The following RFPL2 variants were observed in gnomAD, a reference collection of about 807,000 sequenced individuals.
RFPL2 encodes the protein ret finger protein-like 2.
Under a neutral mutation model 17.8 loss-of-function variants are expected in RFPL2, and 13 were observed. That is an observed-to-expected ratio of 0.73 (90% CI 0.47 to 1.16). The LOEUF (loss-of-function observed/expected upper bound fraction) is 1.16. RFPL2 is among the 50% of genes most tolerant of loss of function. The probability of loss-of-function intolerance (pLI) is 0.00; values close to 1 mark genes in which losing one functional copy is unlikely to be tolerated. For missense variants in RFPL2, 431 were observed against 479.3 expected, an observed-to-expected ratio of 0.90 and a Z score of 0.94; for synonymous variants, 189 against 180.9, an observed-to-expected ratio of 1.04 and a Z score of -0.36.
At chr22:32,202,870 C>T in intron 1 of RFPL2, 1 of 1,031,978 alleles carries the variant, frequency 9.7e-7, no homozygotes, top group Non-Finnish European at 1.2e-6. Context: ...ACCCACAGGG[C>T]CCTGTAGCCT....
chr22:32,202,668 T>A, intron 1 of RFPL2, 118 bp from the exon 2 acceptor site: 1 of 1,366,642 alleles, frequency 7.3e-7, no homozygotes, highest in African/African-American at 1.5e-5. Flanking sequence ...CAGCCTCTCC[T>A]TTTAGCGCAA....
intron 2 of RFPL2, among the ~76,000 whole-genome samples, chr22:32,195,564 T>G (rs547912081): frequency 1.4e-3 from 208 of 152,190 alleles, no homozygotes; most frequent in Non-Finnish European, 2.6e-3. Flanking sequence ...CAAGCAATTC[T>G]CCTGCCTCAG....
chr22:32,200,524 C>A (rs1923808731), intron 2 of RFPL2, among the ~76,000 whole-genome samples: 1 of 152,022 alleles, frequency 6.6e-6, no homozygotes, highest in Non-Finnish European at 1.5e-5. Flanking sequence ...CCTGGGGAAA[C>A]AGGCCAGGCC....
rs1006761558 is a variant in RFPL2, at chr22:32,190,597, A to G, written c.*175T>C. 2.7e-5 allele frequency: 15 copies of G among 551,144 alleles called. No individual in the cohort carries two copies. In the African/African-American group the frequency reaches 2.9e-4, roughly 11 times the overall value. The allele number at this position is 551,144 out of a possible 1,614,324, so 34.1% of individuals were successfully genotyped here. On this transcript the variant is annotated 3_prime_UTR_variant, in exon 5 of 5. Transcript: ENST00000652607. ...AGGACTCAATGAGTTTGATGGTGGC[A>G]ATAATTAATACTTAGGACTCTATAA...
intron 2 of RFPL2, among the ~76,000 whole-genome samples, chr22:32,198,759 A>C (rs1923622822): frequency 6.6e-6 from 1 of 152,006 alleles, no homozygotes; most frequent in Non-Finnish European, 1.5e-5. Context: ...TCCCTGCCTC[A>C]GTGGGTCACC....
At chr22:32,201,361 A>C (rs1923902129) in intron 2 of RFPL2, among the ~76,000 whole-genome samples, 1 of 152,172 alleles carries the variant, frequency 6.6e-6, no homozygotes, top group Admixed American at 6.5e-5. Flanking sequence ...TTCTATGAGA[A>C]TATGCAAAGC....
chr22:32,200,361 T>C (rs1569354256), intron 2 of RFPL2: 1 of 185,646 alleles, frequency 5.4e-6, no homozygotes, highest in Non-Finnish European at 1.1e-5. Flanking sequence ...ATATCCTCAC[T>C]GTCAACCAGA....
chr22:32,192,448 G>T (rs946436400), intron 4 of RFPL2, among the ~76,000 whole-genome samples: 4 of 152,182 alleles, frequency 2.6e-5, no homozygotes, highest in African/African-American at 7.2e-5. Context: ...CTGGGGTAAG[G>T]TTGTTTGTAC....
At chr22:32,194,728 G>T (rs558335271) in intron 2 of RFPL2, among the ~76,000 whole-genome samples, 1 of 152,296 alleles carries the variant, frequency 6.6e-6, no homozygotes. Context: ...TTCAAGCTTT[G>T]CTTGGAATCC....
At position 32,190,926 on chromosome 22, in the gene RFPL2, A is replaced by T; in HGVS notation, c.983T>A (p.Val328Asp). Residue 328 changes from valine (V) to aspartate (D), a missense_variant, in exon 5 of 5, where the codon GTC becomes GAC. Val to Asp is a radical substitution (Grantham distance 152, BLOSUM62 -3). Coordinates refer to ENST00000652607, the MANE Select transcript of RFPL2 (RefSeq NM_001394555.1). ...AGCAGATACGCTCCTGAATGTATAG[A>T]CATGGGAACCACTTTCAGCATCAAA... ...SFFDAESGSHVYTFRSVSAEE... is the reference protein window; with the variant it reads ...SFFDAESGSHDYTFRSVSAEE... 1 of 1,603,204 alleles carries T rather than the reference A, an allele frequency of 6.2e-7. No homozygotes were observed. Among genetic ancestry groups the T allele is most frequent in the Non-Finnish European group, 8.5e-7 (1 of 1,174,102 alleles).
chr22:32,193,862 C>CAAAAA (rs136481), intron 3 of RFPL2, among the ~76,000 whole-genome samples: 38 of 71,944 alleles, frequency 5.3e-4, no homozygotes, highest in Middle Eastern at 8.2e-3. Context: ...GACACCATCT[C>CAAAAA]AAAAAAAAAA....
Position 32,190,973 on chromosome 22 carries a change from C to T in RFPL2, c.936G>A (p.Met312Ile). Residue 312 changes from methionine (M) to isoleucine (I), a missense_variant, in exon 5 of 5, where the codon ATG (methionine) becomes ATA (isoleucine). By Grantham distance (10) the Met-to-Ile change is conservative. Transcript: ENST00000652607. ...KLQRVGIFLD[M>I]GMQNVSFFDA... ...CAAAAAAGGAAACGTTCTGCATGCC[C>T]ATATCCAGAAAAATCCCCACTCGCT... The T allele has an allele frequency of 5.0e-6, 8 of 1,609,956 alleles. No homozygotes were observed. The highest frequency in any genetic ancestry group is 6.8e-6 in the Non-Finnish European group (8 of 1,177,564).
Position 32,193,103 on chromosome 22 carries a change from C to A in RFPL2, c.355G>T (p.Ala119Ser). The A allele has an allele frequency of 6.2e-7, 1 of 1,613,562 alleles. No individual in the cohort carries two copies. Among genetic ancestry groups the A allele is most frequent in the Non-Finnish European group, 8.5e-7 (1 of 1,179,616 alleles). ...GAATTAATGCACTTGAGGCAGACGG[C>A]GCATCCACACTCCAGGGACATTGGT... Reference protein sequence around the residue: ...EKPMSLECGCAVCLKCINSLQ... With the variant: ...EKPMSLECGCSVCLKCINSLQ... The change falls in exon 4 of 5, where the codon GCC becomes TCC. Residue 119 changes from alanine to serine, a missense_variant. Transcript: ENST00000652607.
In RFPL2 at chr22:32,190,648, T is replaced by C; in HGVS notation, c.*124A>G. On this transcript the variant is annotated 3_prime_UTR_variant, in exon 5 of 5. Transcript: ENST00000652607. ...TCTAATCAAATTAGATTAAGTACAA[T>C]CAAGAAATGTCCCATATTTTTCTCC... The C allele has an allele frequency of 2.0e-6, 2 of 992,570 alleles. No homozygotes were observed. Among genetic ancestry groups the C allele is most frequent in the Non-Finnish European group, 2.9e-6 (2 of 686,556 alleles). 61.5% of individuals were successfully genotyped at this position (992,570 alleles called of 1,614,324 possible).
intron 2 of RFPL2, among the ~76,000 whole-genome samples, chr22:32,196,751 T>A (rs889673481): frequency 2.6e-5 from 4 of 152,144 alleles, no homozygotes; most frequent in African/African-American, 9.7e-5. Flanking sequence ...AAGATAGATT[T>A]GCAGAAGAGA....
chr22:32,196,213 A>G (rs1429852945), intron 2 of RFPL2, among the ~76,000 whole-genome samples: 8 of 152,240 alleles, frequency 5.3e-5, no homozygotes, highest in African/African-American at 1.7e-4. Flanking sequence ...ATCTGCAGGT[A>G]TCGTGGAAAT....
intron 3 of RFPL2, 149 bp from the exon 4 acceptor site, chr22:32,193,341 A>T: frequency 6.4e-7 from 1 of 1,570,712 alleles, no homozygotes; most frequent in Non-Finnish European, 8.6e-7. Flanking sequence ...ACACTCAAGC[A>T]CATCCCCCCA....
rs781538355 is a variant in RFPL2, at chr22:32,191,246, G to A, written c.663C>T (p.Ala221=). Residue 221 remains alanine, a synonymous_variant, in exon 5 of 5, where the codon GCC becomes GCT. Transcript: ENST00000652607. Reference sequence around the variant, plus strand: ...TGCAAACGGACACGTCAAATCTCTCGGCAAGGTCTTGCCGATTCTGTCTGA... The same window carrying A: ...TGCAAACGGACACGTCAAATCTCTCAGCAAGGTCTTGCCGATTCTGTCTGA... ...GRIRQNRQDL[A]ERFDVSVCIL... The A allele has an allele frequency of 2.1e-5, 34 of 1,613,944 alleles. No individual in the cohort carries two copies. Among genetic ancestry groups the A allele is most frequent in the South Asian group, 2.1e-4 (19 of 91,068 alleles).
At position 32,191,310 on chromosome 22, in the gene RFPL2, A is replaced by G. The variant is rs1922623033; in HGVS notation, c.599T>C (p.Leu200Pro). 6.2e-7 allele frequency: 1 copy of G among 1,613,686 alleles called. No homozygotes were observed. The highest frequency in any genetic ancestry group is 1.1e-5 in the South Asian group (1 of 91,070). ...LDANTANNFL[L>P]ISDDLRSVRS... is the part of the protein sequence containing the mutation. ...GACGCTCCTGAGGTCGTCAGAAATG[A>G]GGAGGAAGTTGTTGGCTGTGTTGGC... Residue 200 changes from leucine to proline, a missense_variant, in exon 5 of 5, where the codon CTC becomes CCC. Coordinates refer to ENST00000652607, the MANE Select transcript of RFPL2 (RefSeq NM_001394555.1).
Sources: gnomAD v4.1 joint callset for allele counts (sites outside exome capture counted in the v4.1 genomes callset) on GRCh38, gnomAD v4.1.1 for gene constraint, MANE v1.5 for transcripts, NCBI Gene and HGNC (gene_info 2026-07-23, HGNC 2026-07-21) for gene names.